Variants in IFT52 observed in about 807,000 individuals in gnomAD.
IFT52 encodes intraflagellar transport 52.
Under a neutral mutation model 54.4 loss-of-function variants are expected in IFT52, and 44 were observed. That is an observed-to-expected ratio of 0.81 (90% CI 0.63 to 1.04). The LOEUF (loss-of-function observed/expected upper bound fraction) is 1.04. IFT52 is among the 50% of genes least tolerant of loss of function. The pLI, the probability that IFT52 is intolerant of heterozygous loss-of-function variation, is 0.00. For missense variants in IFT52, 452 were observed against 523.6 expected (o/e 0.86, Z 1.33); for synonymous variants, 181 against 185.3 (o/e 0.98, Z 0.19).
Position 43,600,603 on chromosome 20 carries a change from A to G in IFT52, c.208-3157A>G, listed in dbSNP as rs560857843. On this transcript the variant is annotated intron_variant, in intron 3 of 13. Coordinates refer to ENST00000373030, the MANE Select transcript of IFT52 (RefSeq NM_016004.5). ...ATAAAAAGAGTATAATTCTTCTCTC[A>G]GTTTACATGGTAGTTGGGTACCTCC... is the stretch of plus-strand genomic sequence containing the variant. Among the ~76,000 whole-genome samples, 11 of 152,242 alleles carry G rather than the reference A, an allele frequency of 7.2e-5. No individual in the cohort carries two copies. The East Asian group carries it at 2.1e-3, about 29-fold the overall frequency.
chr20:43,595,810 C>T (rs1981911910), intron 2 of IFT52, among the ~76,000 whole-genome samples: 1 of 151,992 alleles, frequency 6.6e-6, no homozygotes. Context: ...CCCTTGAACC[C>T]AGGAAGTGAA....
intron 9 of IFT52, among the ~76,000 whole-genome samples, chr20:43,622,210 G>T (rs1002815049): frequency 6.6e-6 from 1 of 152,182 alleles, no homozygotes; most frequent in Admixed American, 6.6e-5. Context: ...ACTGATTTGG[G>T]TTAGGAAACA....
intron 6 of IFT52, among the ~76,000 whole-genome samples, chr20:43,607,301 T>G (rs1252619117): frequency 7.6e-5 from 11 of 144,612 alleles, no homozygotes; most frequent in Admixed American, 3.4e-4. Flanking sequence ...GCGGCTGGCC[T>G]GGCGGGGGCT....
chr20:43,611,000 G>C (rs1983400067), intron 6 of IFT52, among the ~76,000 whole-genome samples: 1 of 152,162 alleles, frequency 6.6e-6, no homozygotes, highest in African/African-American at 2.4e-5. Flanking sequence ...AAAGTGCTTT[G>C]TAAAGTTGAA....
chr20:43,647,235 G>T lies in IFT52; in HGVS notation c.*252G>T, dbSNP rs1986273215. The T allele has an allele frequency of 2.0e-6, 1 of 493,872 alleles. No homozygotes were observed. Among genetic ancestry groups the T allele is most frequent in the Non-Finnish European group, 3.6e-6 (1 of 281,102 alleles). The allele number at this position is 493,872 out of a possible 1,614,324, so 30.6% of individuals were successfully genotyped here. On this transcript the variant is annotated 3_prime_UTR_variant, in exon 14 of 14. Transcript: ENST00000373030. The stretch of plus-strand genomic sequence containing the variant: ...TTTTTATACCCTATGAAACAGTCTT[G>T]ATTTTTTTTTCTCAACCCCAGTTCT...
In IFT52 at chr20:43,619,003, AAAG is replaced by A. The variant is rs780185669; in HGVS notation, c.682_684del (p.Glu228del). ...CATGTTCAGTGATCAATATTTGGAC[AAAG>A]AAGAAAACAGCAAAATCATGGTAAG... On this transcript the variant is annotated inframe_deletion, in exon 8 of 14. Coordinates refer to ENST00000373030, the MANE Select transcript of IFT52 (RefSeq NM_016004.5). 5 of 1,613,350 alleles carry A rather than the reference AAAG, an allele frequency of 3.1e-6. No individual in the cohort carries two copies. The African/African-American group carries it at 6.7e-5, about 22-fold the overall frequency.
rs1600478947 is a variant in IFT52 at position 43,614,087 on chromosome 20, C to A, written c.612+111C>A. ...ATATGTTTTCTCACTGGTCTTCCTG[C>A]CAGTCCTGCAAAGTAGCATTTCAGC... is the stretch of plus-strand genomic sequence containing the variant. On this transcript the variant is annotated intron_variant, in intron 7 of 13. Transcript: ENST00000373030. 5.3e-6 allele frequency: 5 copies of A among 951,290 alleles called. No homozygotes were observed. The East Asian group carries it at 7.5e-5, about 14-fold the overall frequency. The allele number at this position is 951,290 out of a possible 1,614,324, so 58.9% of individuals were successfully genotyped here. A position where few individuals can be genotyped will look rare whatever the true frequency, so the allele number is the denominator to read the frequency against.
intron 3 of IFT52, among the ~76,000 whole-genome samples, chr20:43,602,673 T>C (rs918890926): frequency 6.6e-5 from 10 of 151,458 alleles, no homozygotes; most frequent in Admixed American, 6.6e-4. Context: ...CACGCCTGGC[T>C]AATTTTTGCA....
At chr20:43,607,313 AC>A (rs1360879329) in intron 6 of IFT52, among the ~76,000 whole-genome samples, 1 of 137,730 alleles carries the variant, frequency 7.3e-6, no homozygotes, top group Non-Finnish European at 1.6e-5. Flanking sequence ...GCGGGGGCTG[AC>A]CCCCACCTCC....
chr20:43,619,910 CTTTTTTTTTTTTT>C (rs11482384), intron 8 of IFT52, among the ~76,000 whole-genome samples: 2 of 82,776 alleles, frequency 2.4e-5, no homozygotes, highest in Admixed American at 2.0e-4. Flanking sequence ...AGATATTCTA[CTTTTTTTTTTTTT>C]TTTTTTTTTT....
At chr20:43,634,640 G>GTT (rs376453972) in intron 10 of IFT52, among the ~76,000 whole-genome samples, 2 of 143,770 alleles carry the variant, frequency 1.4e-5, no homozygotes, top group African/African-American at 2.6e-5. Context: ...TTTATGAGGT[G>GTT]TTTTTTTTTT....
intron 6 of IFT52, among the ~76,000 whole-genome samples, chr20:43,608,019 G>A (rs545978740): frequency 5.7e-4 from 85 of 148,756 alleles, no homozygotes; most frequent in Middle Eastern, 6.8e-3. Context: ...GTGGCGGTGC[G>A]CGCCTGCAAT....
chr20:43,603,738 A>G, intron 3 of IFT52, 22 bp from the exon 4 acceptor site: 1 of 1,607,180 alleles, frequency 6.2e-7, no homozygotes, highest in Non-Finnish European at 8.5e-7. Context: ...ATATTCATAG[A>G]TTGCTTTTTT....
In IFT52 at chr20:43,594,820, G is replaced by C; in HGVS notation, c.119+3G>C. On this transcript the variant is annotated splice_donor_region_variant and intron_variant, in intron 2 of 13. Coordinates refer to ENST00000373030, the MANE Select transcript of IFT52 (RefSeq NM_016004.5). ...CGGAGTAATTGGAAGATTCAGAGGTGACTGACCATGTATATTGTTTTCCCT... is the reference window on the plus strand; with the variant it reads ...CGGAGTAATTGGAAGATTCAGAGGTCACTGACCATGTATATTGTTTTCCCT... 1 of 1,392,066 alleles carries C rather than the reference G, an allele frequency of 7.2e-7. No individual in the cohort carries two copies. The highest frequency in any genetic ancestry group is 1.0e-6 in the Non-Finnish European group (1 of 977,802). The allele number at this position is 1,392,066 out of a possible 1,614,324, so 86.2% of individuals were successfully genotyped here. A position where few individuals can be genotyped will look rare whatever the true frequency, so the allele number is the denominator to read the frequency against.
chr20:43,614,442 G>C (rs1253279894), intron 7 of IFT52, among the ~76,000 whole-genome samples: 1 of 151,750 alleles, frequency 6.6e-6, no homozygotes, highest in Non-Finnish European at 1.5e-5. Context: ...CACCATGTTA[G>C]CCAGGATGGT....
rs1395941784 is a variant in IFT52, at chr20:43,602,935, A to T, written c.208-825A>T. 2.0e-5 allele frequency among the ~76,000 whole-genome samples: 3 copies of T among 152,166 alleles called. No homozygotes were observed. The East Asian group carries it at 5.8e-4, about 29-fold the overall frequency. On this transcript the variant is annotated intron_variant, in intron 3 of 13. Transcript: ENST00000373030. ...GGGGTGCCAAAAGGAAATTATGTTT[A>T]TTATTCATATTTTCATTACCCTTAA...
chr20:43,605,127 T>G, intron 6 of IFT52, 54 bp downstream of exon 6: 2 of 1,592,062 alleles, frequency 1.3e-6, no homozygotes, highest in East Asian at 4.5e-5. Flanking sequence ...TGGAGTCTTC[T>G]TTTTCAAAAT....
chr20:43,619,063 G>T (rs1281438799), intron 8 of IFT52, 37 bp downstream of exon 8: 5 of 1,357,220 alleles, frequency 3.7e-6, no homozygotes, highest in Non-Finnish European at 2.1e-6. Context: ...TATACAATGT[G>T]TATTATTTTC....
At chr20:43,631,573 C>T (rs1985172767) in intron 10 of IFT52, among the ~76,000 whole-genome samples, 1 of 152,174 alleles carries the variant, frequency 6.6e-6, no homozygotes, top group Non-Finnish European at 1.5e-5. Context: ...TTTGCCTCTT[C>T]CCCAGAAAAG....
Sources: allele counts gnomAD v4.1 joint callset (sites outside exome capture counted in the v4.1 genomes callset), GRCh38; gene constraint gnomAD v4.1.1; transcripts MANE v1.5; gene names NCBI Gene and HGNC (gene_info 2026-07-23, HGNC 2026-07-21).